Variants in TRHDE observed in about 807,000 individuals in gnomAD.
TRHDE encodes the protein thyrotropin-releasing hormone-degrading ectoenzyme.
TRHDE carries 72 observed loss-of-function variants against 125.7 expected under a neutral mutation model. That is an observed-to-expected ratio of 0.57 (90% CI 0.47 to 0.70). TRHDE has a LOEUF of 0.70. Ranked by LOEUF, TRHDE falls within the 30% of genes least tolerant of loss-of-function variation. The probability of loss-of-function intolerance (pLI) is 0.00; values close to 1 mark genes in which losing one functional copy is unlikely to be tolerated. For synonymous variants in TRHDE, 509 were observed against 509.1 expected, an observed-to-expected ratio of 1.00 and a Z score of 0.00; for missense variants, 1,110 against 1,327.1, an observed-to-expected ratio of 0.84 and a Z score of 2.54.
At chr12:72,363,544 GA>G (rs1871211475) in intron 2 of TRHDE, among the ~76,000 whole-genome samples, 1 of 152,036 alleles carries the variant, frequency 6.6e-6, no homozygotes, top group Non-Finnish European at 1.5e-5. Flanking sequence ...AATAGATGCA[GA>G]AAAGGCCTTT....
At chr12:72,211,048 C>T (rs1383502621) in intron 2 of TRHDE, among the ~76,000 whole-genome samples, 2 of 152,180 alleles carry the variant, frequency 1.3e-5, no homozygotes, top group African/African-American at 4.8e-5. Flanking sequence ...GACCTGACTC[C>T]TGTATTTGTT....
At chr12:72,146,750 C>T (rs969043855) in intron 2 of TRHDE, among the ~76,000 whole-genome samples, 6 of 152,228 alleles carry the variant, frequency 3.9e-5, no homozygotes, top group African/African-American at 1.4e-4. Flanking sequence ...TGTTAATCAG[C>T]TCAATGAACC....
intron 15 of TRHDE, among the ~76,000 whole-genome samples, chr12:72,645,906 T>C (rs1049229847): frequency 6.6e-6 from 1 of 152,056 alleles, no homozygotes; most frequent in Non-Finnish European, 1.5e-5. Flanking sequence ...ATAATGACTT[T>C]CTCGGACAAA....
chr12:72,430,334 CATGT>C (rs1874401472), intron 3 of TRHDE, among the ~76,000 whole-genome samples: 7 of 136,808 alleles, frequency 5.1e-5, no homozygotes, highest in African/African-American at 8.7e-5. Context: ...TACATATATA[CATGT>C]ATATATACAT....
intron 2 of TRHDE, among the ~76,000 whole-genome samples, chr12:72,377,304 CTTT>C (rs200021223): frequency 2.3e-5 from 3 of 130,384 alleles, no homozygotes; most frequent in Non-Finnish European, 3.3e-5. Context: ...TTGCTTTAGG[CTTT>C]TTTTTTTTTT....
intron 9 of TRHDE, among the ~76,000 whole-genome samples, chr12:72,566,432 ACAG>A (rs1870449440): frequency 6.6e-6 from 1 of 150,954 alleles, no homozygotes; most frequent in African/African-American, 2.5e-5. Flanking sequence ...TTGTATCTGA[ACAG>A]CTGTGTGATA....
At position 72,353,001 on chromosome 12, in the gene TRHDE, T is replaced by A. The variant is rs528458884; in HGVS notation, c.1189-24994T>A. 4.6e-5 allele frequency among the ~76,000 whole-genome samples: 7 copies of A among 151,716 alleles called. No homozygotes were observed. The East Asian group carries it at 1.4e-3, about 29-fold the overall frequency. On this transcript the variant is annotated intron_variant, in intron 2 of 18. Transcript: ENST00000261180. The stretch of plus-strand genomic sequence containing the variant: ...GTAGTATGTGTTTCTGCTTCTTTTT[T>A]AAAAAAATTACCCAATACAACCATG...
chr12:72,665,312 CT>C lies in TRHDE; in HGVS notation c.*2118del, dbSNP rs1875075121. On this transcript the variant is annotated 3_prime_UTR_variant, in exon 19 of 19. Transcript: ENST00000261180. ...TTTTATAGTTGTATTTTCCTCCTCA[CT>C]GTTAATAATCATAATCCTTTTTCAG... 1 of 152,398 alleles carries C rather than the reference CT, an allele frequency of 6.6e-6. No homozygotes were observed. The highest frequency in any genetic ancestry group is 1.5e-5 in the Non-Finnish European group (1 of 67,958). The allele number at this position is 152,398 out of a possible 1,614,324, so 9.4% of individuals were successfully genotyped here.
intron 12 of TRHDE, among the ~76,000 whole-genome samples, chr12:72,595,131 G>A (rs1266024581): frequency 2.0e-5 from 2 of 102,450 alleles, no homozygotes; most frequent in Non-Finnish European, 3.7e-5. Context: ...GGGGAGGGGG[G>A]AGGGATAGCA....
intron 12 of TRHDE, among the ~76,000 whole-genome samples, chr12:72,587,833 A>G (rs1368507438): frequency 6.6e-6 from 1 of 152,176 alleles, no homozygotes; most frequent in Non-Finnish European, 1.5e-5. Flanking sequence ...ACTAAATGTA[A>G]GGCAGAAATA....
At chr12:72,280,450 C>T (rs563042639) in intron 1 of TRHDE, among the ~76,000 whole-genome samples, 3 of 152,064 alleles carry the variant, frequency 2.0e-5, no homozygotes, top group African/African-American at 7.2e-5. Flanking sequence ...AAATGGTCAC[C>T]GTGGACATCC....
intron 2 of TRHDE, among the ~76,000 whole-genome samples, chr12:72,144,873 G>A (rs1046596099): frequency 2.6e-5 from 4 of 152,134 alleles, no homozygotes; most frequent in African/African-American, 9.7e-5. Context: ...TCTATCTTAT[G>A]GGAGGGCCAA....
chr12:72,156,759 C>T (rs191378496), intron 2 of TRHDE, among the ~76,000 whole-genome samples: 1 of 152,246 alleles, frequency 6.6e-6, no homozygotes, highest in Admixed American at 6.5e-5. Flanking sequence ...ACAAGGGAAA[C>T]ATTTATTTGT....
rs181184507 is a variant in TRHDE at position 72,552,053 on chromosome 12, G to T, written c.1788+9697G>T. ...TTAGTAAGAACAAGAGGTAGGTGAG[G>T]TGAGCAGCAGCCAACCATGCATTGC... is the stretch of plus-strand genomic sequence containing the variant. On this transcript the variant is annotated intron_variant, in intron 7 of 18. Coordinates refer to ENST00000261180, the MANE Select transcript of TRHDE (RefSeq NM_013381.3). Among the ~76,000 whole-genome samples, 39 of 152,242 alleles carry T rather than the reference G, an allele frequency of 2.6e-4. No individual in the cohort carries two copies. The East Asian group carries it at 6.8e-3, about 26-fold the overall frequency.
chr12:72,426,788 T>G (rs1308291568), intron 3 of TRHDE, among the ~76,000 whole-genome samples: 1 of 152,132 alleles, frequency 6.6e-6, no homozygotes, highest in Non-Finnish European at 1.5e-5. Flanking sequence ...AAGGGACCAG[T>G]TATTAAGAGG....
At chr12:72,598,592 C>A (rs1190836474) in intron 12 of TRHDE, among the ~76,000 whole-genome samples, 4 of 152,076 alleles carry the variant, frequency 2.6e-5, no homozygotes, top group Non-Finnish European at 4.4e-5. Context: ...TGGAATAATA[C>A]CTGCCATTAC....
At chr12:72,156,879 T>C (rs1876525032) in intron 2 of TRHDE, among the ~76,000 whole-genome samples, 1 of 152,156 alleles carries the variant, frequency 6.6e-6, no homozygotes, top group Non-Finnish European at 1.5e-5. Context: ...TCCTTGCCCT[T>C]TTAAAGCTGA....
chr12:72,274,048 TTA>T (rs1465434987), intron 1 of TRHDE: 29 of 157,620 alleles, frequency 1.8e-4, no homozygotes, highest in Non-Finnish European at 3.8e-4. Context: ...TCCCTGACTA[TTA>T]GTCTCCTGCC....
intron 2 of TRHDE, among the ~76,000 whole-genome samples, chr12:72,133,365 G>A (rs1159247124): frequency 6.6e-6 from 1 of 152,068 alleles, no homozygotes; most frequent in East Asian, 1.9e-4. Flanking sequence ...TGAAAGTGGT[G>A]GGTAATACAG....
Sources: allele counts gnomAD v4.1 joint callset (sites outside exome capture counted in the v4.1 genomes callset), GRCh38; gene constraint gnomAD v4.1.1; transcripts MANE v1.5; gene names NCBI Gene and HGNC (gene_info 2026-07-23, HGNC 2026-07-21).